MED12L: variants seen among roughly 807,000 people sequenced by gnomAD.
MED12L encodes mediator complex subunit 12L.
In MED12L, 60 loss-of-function variants were observed where a neutral mutation model predicts 281.3. The observed-to-expected ratio is 0.21, with a 90% CI of 0.17 to 0.26. MED12L has a LOEUF of 0.26. Among genes scored for constraint, MED12L ranks in the 10% least tolerant of loss-of-function variants. The pLI, the probability that MED12L is intolerant of heterozygous loss-of-function variation, is 1.00. For synonymous variants in MED12L, 974 were observed against 987.2 expected (o/e 0.99, Z 0.25); for missense variants, 2,146 against 2,680.9 (o/e 0.80, Z 4.41).
At chr3:151,335,815 A>C (rs371051288) in intron 16 of MED12L, among the ~76,000 whole-genome samples, 3 of 152,238 alleles carry the variant, frequency 2.0e-5, no homozygotes, top group Non-Finnish European at 2.9e-5. Flanking sequence ...TTAGAGTTTT[A>C]TGTAAAATTT....
intron 16 of MED12L, among the ~76,000 whole-genome samples, chr3:151,239,459 G>A (rs970068140): frequency 1.4e-4 from 21 of 152,182 alleles, no homozygotes; most frequent in Non-Finnish European, 1.5e-5. Flanking sequence ...AAGTGGATAT[G>A]AGAATCCAAC....
At chr3:151,294,213 T>C in intron 16 of MED12L, 2 of 1,612,546 alleles carry the variant, frequency 1.2e-6, no homozygotes, top group Non-Finnish European at 1.7e-6. Flanking sequence ...TCCGATCTTC[T>C]CACACTTTGC....
intron 22 of MED12L, among the ~76,000 whole-genome samples, chr3:151,365,576 G>A (rs567331601): frequency 3.9e-5 from 6 of 152,172 alleles, no homozygotes; most frequent in African/African-American, 7.2e-5. Flanking sequence ...AATGTAAATC[G>A]TAGCTCAGAT....
Position 151,394,827 on chromosome 3 carries a change from A to G in MED12L, c.5780A>G (p.Gln1927Arg). Residue 1927 changes from glutamine to arginine, a missense_variant, in exon 39 of 45, where the codon CAG (glutamine) becomes CGG (arginine). Coordinates refer to ENST00000687756, the MANE Select transcript of MED12L (RefSeq NM_001393769.1). ...AAGCTTCTGCAGCAGCAGCAGCAAC[A>G]GCGACTTCTCAGGCAAGCCCAGACT... ...QMKLLQQQQQ[Q>R]RLLRQAQTRP... 6.2e-7 allele frequency: 1 copy of G among 1,614,210 alleles called. No individual in the cohort carries two copies.
chr3:151,436,447 A>C lies in MED12L; in HGVS notation c.*3643A>C. On this transcript the variant is annotated 3_prime_UTR_variant, in exon 45 of 45. Coordinates refer to ENST00000687756, the MANE Select transcript of MED12L (RefSeq NM_001393769.1). ...TAGTGAACCGTTTCAATGTTTGTTT[A>C]TTGTTATTTGTTGGCAAAATAAAAG... 2.7e-6 allele frequency: 1 copy of C among 376,862 alleles called. No homozygotes were observed. Among genetic ancestry groups the C allele is most frequent in the African/African-American group, 2.1e-5 (1 of 47,934 alleles). The allele number at this position is 376,862 out of a possible 1,614,324, so 23.3% of individuals were successfully genotyped here.
At chr3:151,097,696 A>C (rs1248971079) in intron 2 of MED12L, among the ~76,000 whole-genome samples, 1 of 152,278 alleles carries the variant, frequency 6.6e-6, no homozygotes. Context: ...TTGGGTTGCC[A>C]CAACTGGGTG....
Position 151,086,839 on chromosome 3 carries a change from T to G in MED12L, c.-88T>G. On this transcript the variant is annotated 5_prime_UTR_variant, in exon 2 of 45. Transcript: ENST00000687756. Reference sequence around the variant, plus strand: ...CGAGCGAGGAGGGGGAGAGAGGGAGTCTGTCTGCAAAGTGCTGCTCCCTGG... The same window carrying G: ...CGAGCGAGGAGGGGGAGAGAGGGAGGCTGTCTGCAAAGTGCTGCTCCCTGG... 4 of 987,156 alleles carry G rather than the reference T, an allele frequency of 4.1e-6. No homozygotes were observed. Among genetic ancestry groups the G allele is most frequent in the South Asian group, 1.7e-5 (1 of 57,628 alleles). 61.1% of individuals were successfully genotyped at this position (987,156 alleles called of 1,614,324 possible). A position where few individuals can be genotyped will look rare whatever the true frequency, so the allele number is the denominator to read the frequency against.
chr3:151,257,727 T>G (rs1738090653), intron 16 of MED12L, among the ~76,000 whole-genome samples: 1 of 152,212 alleles, frequency 6.6e-6, no homozygotes, highest in Admixed American at 6.5e-5. Flanking sequence ...GCTTTTGAAA[T>G]TCAGTGTAAA....
chr3:151,409,630 G>A lies in MED12L; in HGVS notation c.5910+298G>A, dbSNP rs77935210. 5.6e-3 allele frequency among the ~76,000 whole-genome samples: 851 copies of A among 152,122 alleles called. 3 individuals are homozygous for A. Among genetic ancestry groups the A allele is most frequent in the Non-Finnish European group, 8.4e-3 (571 of 68,000 alleles). ...ACAATCCCAGAGTTACTTCTTTTAT[G>A]TTATAATGTATAATGATGTAATTCA... is the stretch of plus-strand genomic sequence containing the variant. On this transcript the variant is annotated intron_variant, in intron 40 of 44. Coordinates refer to ENST00000687756, the MANE Select transcript of MED12L (RefSeq NM_001393769.1).
chr3:151,379,111 T>C (rs114056902), intron 31 of MED12L, among the ~76,000 whole-genome samples: 190 of 152,344 alleles, frequency 1.2e-3, no homozygotes, highest in African/African-American at 4.3e-3. Flanking sequence ...GACCCAGCAT[T>C]GTATGTACTG....
chr3:151,155,467 C>T (rs1719150686), intron 5 of MED12L, among the ~76,000 whole-genome samples: 1 of 152,178 alleles, frequency 6.6e-6, no homozygotes, highest in African/African-American at 2.4e-5. Flanking sequence ...TGATTTCACC[C>T]TCCCTGAGTT....
At chr3:151,195,970 T>A (rs529181600) in intron 16 of MED12L, among the ~76,000 whole-genome samples, 27 of 152,354 alleles carry the variant, frequency 1.8e-4, no homozygotes, top group African/African-American at 6.3e-4. Flanking sequence ...ACTGGTTGAA[T>A]GGTTGAGGGT....
rs202099742 is a variant in MED12L, at chr3:151,338,074, G to T, written c.2251-11985G>T. 2.2e-5 allele frequency: 36 copies of T among 1,613,860 alleles called. No individual in the cohort carries two copies. Among genetic ancestry groups the T allele is most frequent in the Non-Finnish European group, 3.0e-5 (35 of 1,179,912 alleles). On this transcript the variant is annotated intron_variant, in intron 16 of 44. Coordinates refer to ENST00000687756, the MANE Select transcript of MED12L (RefSeq NM_001393769.1). The stretch of plus-strand genomic sequence containing the variant: ...TCCCGGGTTTGGCTCAGGGTGTAAG[G>T]AATTCGGGCAAAATGGAAAGGAACA...
intron 13 of MED12L, among the ~76,000 whole-genome samples, chr3:151,188,944 G>C (rs1001013595): frequency 2.2e-4 from 33 of 151,534 alleles, no homozygotes; most frequent in African/African-American, 8.0e-4. Context: ...GTCATCTCAA[G>C]CTCTTTTTTT....
intron 11 of MED12L, among the ~76,000 whole-genome samples, chr3:151,174,036 G>A (rs1435796800): frequency 2.6e-5 from 4 of 152,130 alleles, no homozygotes; most frequent in African/African-American, 9.7e-5. Context: ...AAGTGTTTAG[G>A]AGTTTAGACT....
chr3:151,155,886 G>A (rs565102070), intron 5 of MED12L, among the ~76,000 whole-genome samples: 2 of 152,286 alleles, frequency 1.3e-5, no homozygotes, highest in African/African-American at 4.8e-5. Context: ...CTTCTCCTAG[G>A]TTAAGAGTCA....
At chr3:151,091,227 G>C (rs528047980) in intron 2 of MED12L, among the ~76,000 whole-genome samples, 89 of 152,324 alleles carry the variant, frequency 5.8e-4, no homozygotes, top group African/African-American at 2.0e-3. Flanking sequence ...CTGGTGTGCA[G>C]TGCAGGGGCT....
At chr3:151,367,846 A>C (rs1327337720) in intron 24 of MED12L, 80 bp downstream of exon 24, 1 of 1,485,910 alleles carries the variant, frequency 6.7e-7, no homozygotes, top group Non-Finnish European at 9.2e-7. Flanking sequence ...AACACAGGGA[A>C]AGGAGTATTT....
At chr3:151,319,923 A>G (rs1748795577) in intron 16 of MED12L, among the ~76,000 whole-genome samples, 1 of 152,170 alleles carries the variant, frequency 6.6e-6, no homozygotes, top group Non-Finnish European at 1.5e-5. Flanking sequence ...GCTCAAGGAG[A>G]AAAAGTGTCA....
Sources: gnomAD v4.1 joint callset for allele counts (sites outside exome capture counted in the v4.1 genomes callset) on GRCh38, gnomAD v4.1.1 for gene constraint, MANE v1.5 for transcripts, NCBI Gene and HGNC (gene_info 2026-07-23, HGNC 2026-07-21) for gene names.